Variants in MGAT4D observed in about 807,000 individuals in gnomAD.
The protein encoded by MGAT4D is MGAT4 family member D.
In MGAT4D, 34 loss-of-function variants were observed where a neutral mutation model predicts 15.9. The observed-to-expected ratio is 2.14, with a 90% CI of 1.62 to 2.84. The LOEUF (loss-of-function observed/expected upper bound fraction) is 2.84, where lower values mean the gene tolerates loss of function less well. Ranked by LOEUF, MGAT4D falls within the 30% of genes most tolerant of loss-of-function variation. The pLI is 0.00. For missense variants in MGAT4D, 327 were observed against 140.2 expected, an observed-to-expected ratio of 2.33 and a Z score of -6.73; for synonymous variants, 112 against 48.2, an observed-to-expected ratio of 2.33 and a Z score of -5.49.
intron 3 of MGAT4D, among the ~76,000 whole-genome samples, chr4:140,476,808 T>C (rs1342935413): frequency 2.0e-5 from 3 of 152,194 alleles, no homozygotes; most frequent in African/African-American, 7.2e-5. Flanking sequence ...TGATCACAAA[T>C]TGATGCTTAA....
At chr4:140,486,620 G>T (rs542885312) in intron 1 of MGAT4D, among the ~76,000 whole-genome samples, 1 of 152,290 alleles carries the variant, frequency 6.6e-6, no homozygotes, top group South Asian at 2.1e-4. Context: ...TCACTCCAGA[G>T]ATTTCTAGAA....
At chr4:140,487,578 T>C (rs139917775) in intron 1 of MGAT4D, among the ~76,000 whole-genome samples, 64 of 152,326 alleles carry the variant, frequency 4.2e-4, no homozygotes, top group African/African-American at 1.5e-3. Context: ...TGTTTCAACA[T>C]AAAAGTAAAC....
intron 1 of MGAT4D, 38 bp downstream of exon 1, chr4:140,498,091 C>G: frequency 1.4e-6 from 1 of 694,576 alleles, no homozygotes; most frequent in South Asian, 1.5e-5. Context: ...GAAGCCCCCG[C>G]GGCGGGAAAG....
chr4:140,461,864 A>G, intron 7 of MGAT4D, 65 bp downstream of exon 7: 1 of 502,128 alleles, frequency 2.0e-6, no homozygotes, highest in Non-Finnish European at 3.6e-6. Flanking sequence ...ATCTATCTAC[A>G]GATATAATTG....
In MGAT4D at chr4:140,459,650, C is replaced by T. The variant is rs1731036507; in HGVS notation, c.763-24G>A. ...AGCTGAAAAAAAAAACCCAAAAAGA[C>T]ATTAATATCTTTGACGCTTCCATTG... On this transcript the variant is annotated intron_variant, in intron 7 of 10. Transcript: ENST00000511113. 3 of 416,154 alleles carry T rather than the reference C, an allele frequency of 7.2e-6. No individual in the cohort carries two copies. The Admixed American group carries it at 1.3e-4, about 18-fold the overall frequency. The allele number at this position is 416,154 out of a possible 1,614,324, so 25.8% of individuals were successfully genotyped here. A position where few individuals can be genotyped will look rare whatever the true frequency, so the allele number is the denominator to read the frequency against.
chr4:140,480,375 G>C (rs1035229825), intron 2 of MGAT4D, among the ~76,000 whole-genome samples: 1 of 151,806 alleles, frequency 6.6e-6, no homozygotes, highest in Non-Finnish European at 1.5e-5. Flanking sequence ...ATAAACCTAT[G>C]AATTTTTTTA....
intron 9 of MGAT4D, 102 bp downstream of exon 9, chr4:140,456,487 G>T (rs1730810021): frequency 4.8e-6 from 2 of 419,394 alleles, no homozygotes; most frequent in East Asian, 3.6e-5. Flanking sequence ...TTAAAAATTG[G>T]TGCATTTATC....
rs117187945 is a variant in MGAT4D, at chr4:140,480,001, T to G, written c.254-374A>C. Among the ~76,000 whole-genome samples, 681 of 152,262 alleles carry G rather than the reference T, an allele frequency of 4.5e-3. 17 individuals carry two copies. The East Asian group carries it at 0.067, about 15-fold the overall frequency. On this transcript the variant is annotated intron_variant, in intron 2 of 10. Transcript: ENST00000511113. Reference sequence around the variant, plus strand: ...TAACTTTGCTTTGTAGCCCCTAAAATTTAATGACTATATTTGTAAACTTCA... The same window carrying G: ...TAACTTTGCTTTGTAGCCCCTAAAAGTTAATGACTATATTTGTAAACTTCA...
chr4:140,468,710 T>C (rs1731713262), intron 5 of MGAT4D, among the ~76,000 whole-genome samples: 1 of 152,174 alleles, frequency 6.6e-6, no homozygotes, highest in Non-Finnish European at 1.5e-5. Context: ...ACTACATGTA[T>C]ATGGTGTTTT....
intron 6 of MGAT4D, among the ~76,000 whole-genome samples, chr4:140,463,589 A>G (rs1212100932): frequency 6.6e-6 from 1 of 152,178 alleles, no homozygotes; most frequent in African/African-American, 2.4e-5. Context: ...AATATAAAAA[A>G]AGCAGTACCC....
chr4:140,446,683 T>C (rs903442081), intron 10 of MGAT4D, among the ~76,000 whole-genome samples: 2 of 151,248 alleles, frequency 1.3e-5, no homozygotes, highest in East Asian at 3.9e-4. Context: ...AGTTCAGCTC[T>C]GATTTTGGTT....
At chr4:140,469,204 A>T (rs1402145182) in intron 5 of MGAT4D, among the ~76,000 whole-genome samples, 1 of 152,226 alleles carries the variant, frequency 6.6e-6, no homozygotes, top group African/African-American at 2.4e-5. Flanking sequence ...CAAAAATAGA[A>T]ATATAATGAA....
chr4:140,485,095 T>C (rs2126842436), intron 1 of MGAT4D, among the ~76,000 whole-genome samples: 1 of 152,312 alleles, frequency 6.6e-6, no homozygotes, highest in South Asian at 2.1e-4. Context: ...TAAAGACACA[T>C]GCACACGTAT....
chr4:140,494,316 G>A (rs1733695635), intron 1 of MGAT4D, among the ~76,000 whole-genome samples: 1 of 152,210 alleles, frequency 6.6e-6, no homozygotes, highest in African/African-American at 2.4e-5. Context: ...TGAGTGAGAT[G>A]GCTTTTCATT....
At position 140,460,978 on chromosome 4, in the gene MGAT4D, A is replaced by G. The variant is rs1211953639; in HGVS notation, c.762+951T>C. ...CAAAAAGCAACCAGCACTCTCATCC[A>G]CAACTCCACAACTAGCTGGTTAGAA... On this transcript the variant is annotated intron_variant, in intron 7 of 10. Transcript: ENST00000511113. Among the ~76,000 whole-genome samples the G allele has an allele frequency of 3.9e-5, 6 of 152,230 alleles. No homozygotes were observed. In the East Asian group the frequency reaches 9.6e-4, roughly 24 times the overall value.
chr4:140,445,800 T>C (rs1005408912), intron 10 of MGAT4D, among the ~76,000 whole-genome samples: 2 of 152,198 alleles, frequency 1.3e-5, no homozygotes, highest in Admixed American at 1.3e-4. Flanking sequence ...TTTCCCCCAT[T>C]GCTTGTTTTT....
At chr4:140,486,242 T>C (rs1733119619) in intron 1 of MGAT4D, among the ~76,000 whole-genome samples, 1 of 150,742 alleles carries the variant, frequency 6.6e-6, no homozygotes, top group African/African-American at 2.5e-5. Flanking sequence ...TTATCACATA[T>C]CCTGTTGTGG....
intron 9 of MGAT4D, among the ~76,000 whole-genome samples, chr4:140,455,035 T>G (rs777646309): frequency 6.6e-5 from 10 of 152,148 alleles, no homozygotes; most frequent in African/African-American, 1.2e-4. Context: ...CCTTTTGGTT[T>G]TATTGGTTTT....
Position 140,466,086 on chromosome 4 carries a change from TC to T in MGAT4D, c.573-1078del, listed in dbSNP as rs1464821686. On this transcript the variant is annotated intron_variant, in intron 5 of 10. Transcript: ENST00000511113. ...AAACATGTGGTTGTCTTGCCTCGCC[TC>T]CCAGTGATAAGCCTACATGATATTT... Among the ~76,000 whole-genome samples, 4 of 152,156 alleles carry T rather than the reference TC, an allele frequency of 2.6e-5. 1 individual carries two copies. Among genetic ancestry groups the T allele is most frequent in the Non-Finnish European group, 4.4e-5 (3 of 68,018 alleles).
Sources: gnomAD v4.1 joint callset for allele counts (sites outside exome capture counted in the v4.1 genomes callset) on GRCh38, gnomAD v4.1.1 for gene constraint, MANE v1.5 for transcripts, NCBI Gene and HGNC (gene_info 2026-07-23, HGNC 2026-07-21) for gene names.